The following PEMT variants were observed in gnomAD, a reference collection of about 807,000 sequenced individuals.
PEMT encodes the protein phospholipid methyltransferase.
Under a neutral mutation model 27.4 loss-of-function variants are expected in PEMT, and 23 were observed. The observed-to-expected ratio is 0.84, with a 90% CI of 0.60 to 1.19. The LOEUF (loss-of-function observed/expected upper bound fraction) is 1.19, where lower values mean the gene tolerates loss of function less well. Among genes scored for constraint, PEMT ranks in the 50% most tolerant of loss-of-function variants. The pLI, the probability that PEMT is intolerant of heterozygous loss-of-function variation, is 0.00. For synonymous variants in PEMT, 137 were observed against 139.1 expected, an observed-to-expected ratio of 0.98 and a Z score of 0.11; for missense variants, 307 against 310.1, an observed-to-expected ratio of 0.99 and a Z score of 0.07.
rs1169648853 is a variant in PEMT, at chr17:17,561,763, C to T, written c.204+15157G>A. On this transcript the variant is annotated intron_variant, in intron 2 of 6. Transcript: ENST00000255389. The surrounding 1 kb of genome is among the most constrained non-coding windows in gnomAD (Gnocchi z 4.5). The stretch of plus-strand genomic sequence containing the variant: ...GGGGGGCACAACCGCACCGGGCTCC[C>T]GAGGATGGCAAGGGGGACAGACTCC... 2.0e-5 allele frequency among the ~76,000 whole-genome samples: 3 copies of T among 152,200 alleles called. No individual in the cohort carries two copies. The highest frequency in any genetic ancestry group is 1.9e-4 in the East Asian group (1 of 5,192).
In PEMT at chr17:17,512,267, A is replaced by T. The variant is rs1271395490; in HGVS notation, c.466+242T>A. Among the ~76,000 whole-genome samples, 1 of 152,206 alleles carries T rather than the reference A, an allele frequency of 6.6e-6. No homozygotes were observed. Among genetic ancestry groups the T allele is most frequent in the Non-Finnish European group, 1.5e-5 (1 of 68,026 alleles). On this transcript the variant is annotated intron_variant, in intron 4 of 6. Transcript: ENST00000255389. This position sits in a 1 kb window ranked among gnomAD's most constrained non-coding sequence, Gnocchi z 6.3. ...TCATTAGCTGGAGAGAAGCAGCAGG[A>T]GCTGCCTTCACTCCCCAGGAGGCAG... is the stretch of plus-strand genomic sequence containing the variant.
chr17:17,577,025 T>A lies in PEMT; in HGVS notation c.99A>T (p.Ala33=), dbSNP rs1256780835. 1 of 1,612,690 alleles carries A rather than the reference T, an allele frequency of 6.2e-7. No homozygotes were observed. Among genetic ancestry groups the A allele is most frequent in the African/African-American group, 1.3e-5 (1 of 75,002 alleles). ...GCAGCCGGGTCATAACGCAGAAGTC[T>A]GCCTGCAGGGACAGAGCTAGCATCA... ...GGLGNIDFRQ[A]DFCVMTRLLG... The change falls in exon 2 of 7, where the codon GCA becomes GCT. Residue 33 remains alanine, a splice_region_variant and synonymous_variant. Coordinates refer to ENST00000255389, the MANE Select transcript of PEMT (RefSeq NM_148172.3).
chr17:17,519,295 C>T (rs1907092764), intron 3 of PEMT, among the ~76,000 whole-genome samples: 1 of 152,080 alleles, frequency 6.6e-6, no homozygotes, highest in Non-Finnish European at 1.5e-5. Flanking sequence ...CCTCTGAACA[C>T]AAAAGGTGAG....
intron 1 of PEMT, among the ~76,000 whole-genome samples, chr17:17,585,199 G>A (rs188627231): frequency 2.0e-4 from 31 of 152,314 alleles, no homozygotes; most frequent in Admixed American, 5.2e-4. Context: ...TTAGCCGGGC[G>A]TGGTGGCAGG....
intron 2 of PEMT, among the ~76,000 whole-genome samples, chr17:17,557,250 A>G (rs769728741): frequency 1.3e-5 from 2 of 152,020 alleles, no homozygotes; most frequent in South Asian, 4.2e-4. Flanking sequence ...CCTGACCCTC[A>G]CGCAGGGACA....
At chr17:17,507,143 G>C in intron 5 of PEMT, 1 of 1,555,584 alleles carries the variant, frequency 6.4e-7, no homozygotes, top group South Asian at 1.2e-5. Flanking sequence ...CCGTCAAGCT[G>C]TCCCCCAATC....
intron 3 of PEMT, among the ~76,000 whole-genome samples, chr17:17,521,289 C>T (rs980597476): frequency 3.9e-5 from 6 of 152,182 alleles, no homozygotes; most frequent in Middle Eastern, 3.2e-3. Flanking sequence ...CATGAGCTGC[C>T]GTGCGCAATG....
In PEMT at chr17:17,591,689, A is replaced by C; in HGVS notation, c.-63T>G. 3 of 1,557,410 alleles carry C rather than the reference A, an allele frequency of 1.9e-6. No homozygotes were observed. The highest frequency in any genetic ancestry group is 2.6e-6 in the Non-Finnish European group (3 of 1,150,532). ...TGCAGCCACGCGCCCCCGGAACCGGACCTATAGAGCCGGGTAAGTGCCGCC... is the reference window on the plus strand; with the variant it reads ...TGCAGCCACGCGCCCCCGGAACCGGCCCTATAGAGCCGGGTAAGTGCCGCC... On this transcript the variant is annotated 5_prime_UTR_variant, in exon 1 of 7. Transcript: ENST00000255389.
At chr17:17,531,735 A>G (rs1908115087) in intron 2 of PEMT, among the ~76,000 whole-genome samples, 1 of 151,598 alleles carries the variant, frequency 6.6e-6, no homozygotes, top group Admixed American at 6.6e-5. Context: ...ATATATAAAT[A>G]TATCAATCTA....
At chr17:17,506,356 C>CCCA in intron 5 of PEMT, 55 bp from the exon 6 acceptor site, 1 of 1,340,636 alleles carries the variant, frequency 7.5e-7, no homozygotes, top group Non-Finnish European at 1.0e-6. Context: ...CTCAGGGCCA[C>CCCA]GGCCCACCTG....
At chr17:17,579,648 C>T (rs1373749505) in intron 1 of PEMT, among the ~76,000 whole-genome samples, 4 of 152,164 alleles carry the variant, frequency 2.6e-5, no homozygotes, top group African/African-American at 9.7e-5. Context: ...CTGCACTCCA[C>T]TGGGTGACAG....
At chr17:17,562,890 C>T (rs1020503768) in intron 2 of PEMT, among the ~76,000 whole-genome samples, 1 of 152,204 alleles carries the variant, frequency 6.6e-6, no homozygotes, top group Non-Finnish European at 1.5e-5. Flanking sequence ...CCCCCTGCCC[C>T]ATGTGGCTTC....
chr17:17,579,136 G>T (rs574930618), intron 1 of PEMT, among the ~76,000 whole-genome samples: 6 of 152,328 alleles, frequency 3.9e-5, no homozygotes, highest in African/African-American at 1.4e-4. Context: ...CAGCCCTGGG[G>T]GGCAAGCGCA....
chr17:17,576,140 C>T (rs1209152253), intron 2 of PEMT, among the ~76,000 whole-genome samples: 1 of 152,126 alleles, frequency 6.6e-6, no homozygotes, highest in South Asian at 2.1e-4. Flanking sequence ...CAGAAGCACC[C>T]CCCAGAGACA....
chr17:17,573,950 T>C (rs938093026), intron 2 of PEMT, among the ~76,000 whole-genome samples: 1 of 151,734 alleles, frequency 6.6e-6, no homozygotes, highest in Non-Finnish European at 1.5e-5. Context: ...CACGGCTAAT[T>C]TTTGTATTTT....
intron 2 of PEMT, among the ~76,000 whole-genome samples, chr17:17,533,155 C>T (rs1452021750): frequency 1.3e-5 from 2 of 152,234 alleles, no homozygotes; most frequent in South Asian, 2.1e-4. Flanking sequence ...AATGGAATAG[C>T]ATACAGAGCC....
At chr17:17,509,117 C>T (rs1046187364) in intron 5 of PEMT, among the ~76,000 whole-genome samples, 3 of 152,288 alleles carry the variant, frequency 2.0e-5, no homozygotes, top group African/African-American at 7.2e-5. Context: ...GCCAAAGACG[C>T]GCATCCATTT....
intron 3 of PEMT, among the ~76,000 whole-genome samples, chr17:17,518,642 C>G (rs780413496): frequency 6.6e-6 from 1 of 152,224 alleles, no homozygotes; most frequent in Non-Finnish European, 1.5e-5. Flanking sequence ...GGTGGCCTCT[C>G]GGACATCCCA....
At chr17:17,557,782 C>T (rs1054339088) in intron 2 of PEMT, among the ~76,000 whole-genome samples, 4 of 152,292 alleles carry the variant, frequency 2.6e-5, no homozygotes, top group African/African-American at 7.2e-5. Flanking sequence ...GCCAGGCGTC[C>T]GGGACTGTCA....
Sources: gnomAD v4.1 joint callset for allele counts (sites outside exome capture counted in the v4.1 genomes callset) on GRCh38, gnomAD v4.1.1 for gene constraint, Gnocchi (gnomAD v3.1) non-coding constraint, MANE v1.5 for transcripts, NCBI Gene and HGNC (gene_info 2026-07-23, HGNC 2026-07-21) for gene names.